SLC8A1: variants seen among roughly 807,000 people sequenced by gnomAD.
SLC8A1 encodes the protein solute carrier family 8 member A1.
Under a neutral mutation model 68.3 loss-of-function variants are expected in SLC8A1, and 18 were observed. The ratio of observed to expected loss-of-function variants is 0.26; its 90% CI spans 0.18 to 0.39. The LOEUF (loss-of-function observed/expected upper bound fraction) is 0.39, where lower values mean the gene tolerates loss of function less well. Among genes scored for constraint, SLC8A1 ranks in the 10% least tolerant of loss-of-function variants. The probability of loss-of-function intolerance (pLI) is 1.00; values close to 1 mark genes in which losing one functional copy is unlikely to be tolerated. For missense variants in SLC8A1, 985 were observed against 1,156.7 expected (o/e 0.85, Z 2.15); for synonymous variants, 475 against 415.5 (o/e 1.14, Z -1.74).
chr2:40,243,582 G>A (rs895179053), intron 2 of SLC8A1, among the ~76,000 whole-genome samples: 1 of 152,194 alleles, frequency 6.6e-6, no homozygotes, highest in Admixed American at 6.5e-5. Flanking sequence ...TTTTACCTCT[G>A]TTTTAGACTA....
At chr2:40,469,839 T>C (rs1278194615) in intron 1 of SLC8A1, among the ~76,000 whole-genome samples, 1 of 152,170 alleles carries the variant, frequency 6.6e-6, no homozygotes, top group Non-Finnish European at 1.5e-5. Context: ...GCTAAAATTG[T>C]CAATGTGTTC....
chr2:40,262,531 T>G (rs2064849314), intron 2 of SLC8A1, among the ~76,000 whole-genome samples: 1 of 152,222 alleles, frequency 6.6e-6, no homozygotes, highest in Non-Finnish European at 1.5e-5. Context: ...CTAGTATATT[T>G]GATCTATTGG....
chr2:40,115,715 G>C, intron 7 of SLC8A1, 86 bp from the exon 11 acceptor site: 1 of 1,496,082 alleles, frequency 6.7e-7, no homozygotes, highest in Non-Finnish European at 8.9e-7. Flanking sequence ...TGTACTCTAG[G>C]ACCCAACCCT....
intron 2 of SLC8A1, among the ~76,000 whole-genome samples, chr2:40,191,880 A>G (rs1361927143): frequency 6.6e-6 from 1 of 152,140 alleles, no homozygotes; most frequent in African/African-American, 2.4e-5. Context: ...CGTTGTTTTG[A>G]GGATTTTTAT....
intron 6 of SLC8A1, among the ~76,000 whole-genome samples, chr2:40,151,715 G>GAATT (rs1409137307): frequency 1.3e-5 from 2 of 152,086 alleles, no homozygotes; most frequent in African/African-American, 4.8e-5. Flanking sequence ...AGAAACCATT[G>GAATT]AATTATATAG....
At position 40,382,882 on chromosome 2, in the gene SLC8A1, G is replaced by A. The variant is rs373576466; in HGVS notation, c.1808+45591C>T. ...GATTAACTACCAGGAATATAAGAGG[G>A]ATTCTATTATAATTATGTCTTTCTT... On this transcript the variant is annotated intron_variant, in intron 2 of 7. Coordinates refer to ENST00000406785, the Ensembl canonical transcript of SLC8A1. 1.3e-3 allele frequency among the ~76,000 whole-genome samples: 205 copies of A among 152,060 alleles called. 5 individuals carry two copies. In the South Asian group the frequency reaches 0.041, roughly 30 times the overall value.
chr2:40,450,212 G>A (rs1702180399), intron 1 of SLC8A1, among the ~76,000 whole-genome samples: 1 of 152,170 alleles, frequency 6.6e-6, no homozygotes, highest in Non-Finnish European at 1.5e-5. Flanking sequence ...CACAGGATTT[G>A]AAAGAGGAAC....
Position 40,260,279 on chromosome 2 carries a change from C to T in SLC8A1, c.1809-82424G>A, listed in dbSNP as rs574062223. Among the ~76,000 whole-genome samples the T allele has an allele frequency of 5.2e-4, 79 of 152,262 alleles. 1 individual carries two copies. The highest frequency in any genetic ancestry group is 1.8e-3 in the African/African-American group (73 of 41,550). On this transcript the variant is annotated intron_variant, in intron 2 of 7. Coordinates refer to ENST00000406785, the Ensembl canonical transcript of SLC8A1. ...TCAAGGACAAACCACAAAAGGGAAC[C>T]AGGGAAGGGCTGTTCAGAGCTCACT...
chr2:40,240,145 T>G (rs1187772519), intron 2 of SLC8A1, among the ~76,000 whole-genome samples: 2 of 152,164 alleles, frequency 1.3e-5, no homozygotes, highest in Non-Finnish European at 2.9e-5. Context: ...GGCATAATAT[T>G]TGGGGGAAAG....
At chr2:40,170,664 G>C (rs576297854) in intron 4 of SLC8A1, among the ~76,000 whole-genome samples, 1 of 152,274 alleles carries the variant, frequency 6.6e-6, no homozygotes, top group Admixed American at 6.5e-5. Context: ...ATGTGTCAAG[G>C]TCCTTCAAGG....
intron 2 of SLC8A1, among the ~76,000 whole-genome samples, chr2:40,411,268 C>G (rs1357272653): frequency 6.6e-6 from 1 of 152,008 alleles, no homozygotes. Flanking sequence ...GCTAGCATAA[C>G]ACTTTGCACA....
chr2:40,166,141 T>C (rs2046514306), intron 4 of SLC8A1, among the ~76,000 whole-genome samples: 2 of 152,180 alleles, frequency 1.3e-5, no homozygotes, highest in African/African-American at 2.4e-5. Flanking sequence ...TATTAGCTTC[T>C]GTAGAAGTCC....
intron 2 of SLC8A1, among the ~76,000 whole-genome samples, chr2:40,393,614 A>T (rs1576041016): frequency 6.6e-6 from 1 of 152,208 alleles, no homozygotes; most frequent in South Asian, 2.1e-4. Flanking sequence ...TTCCATATAA[A>T]CCCATATGAG....
At chr2:40,242,532 A>G (rs138468725) in intron 2 of SLC8A1, among the ~76,000 whole-genome samples, 1 of 152,192 alleles carries the variant, frequency 6.6e-6, no homozygotes, top group Non-Finnish European at 1.5e-5. Flanking sequence ...GGTTGCATCC[A>G]GCAACTCGAC....
intron 1 of SLC8A1, among the ~76,000 whole-genome samples, chr2:40,445,856 T>C (rs1427278169): frequency 6.6e-6 from 1 of 152,132 alleles, no homozygotes; most frequent in Non-Finnish European, 1.5e-5. Flanking sequence ...CTGAGAGACA[T>C]TTGATGGGTA....
intron 2 of SLC8A1, among the ~76,000 whole-genome samples, chr2:40,330,036 A>G (rs1472620902): frequency 1.3e-5 from 2 of 152,214 alleles, no homozygotes; most frequent in African/African-American, 2.4e-5. Flanking sequence ...TTTCTAACTA[A>G]AAACGGGTGT....
intron 2 of SLC8A1, among the ~76,000 whole-genome samples, chr2:40,298,304 A>G (rs533571017): frequency 6.6e-6 from 1 of 152,330 alleles, no homozygotes; most frequent in Non-Finnish European, 1.5e-5. Flanking sequence ...TGCTTCCACC[A>G]AAACTCCGGC....
intron 6 of SLC8A1, among the ~76,000 whole-genome samples, chr2:40,149,233 AT>A (rs2148359997): frequency 6.6e-6 from 1 of 152,322 alleles, no homozygotes; most frequent in African/African-American, 2.4e-5. Context: ...AGTGCCACTC[AT>A]TTCTTTAGTA....
chr2:40,501,735 T>A lies in SLC8A1; in HGVS notation c.-25+10614A>T, dbSNP rs570596029. Among the ~76,000 whole-genome samples, 15 of 152,088 alleles carry A rather than the reference T, an allele frequency of 9.9e-5. No individual in the cohort carries two copies. In the South Asian group the frequency reaches 3.1e-3, roughly 32 times the overall value. On this transcript the variant is annotated intron_variant, in intron 1 of 7. Coordinates refer to the SLC8A1 transcript ENST00000402441. The stretch of plus-strand genomic sequence containing the variant: ...GTGCTTCATCATGTCCTTTTGGGAG[T>A]TGCCCCTTGCCCACGTAGTAGGGAT...
Sources: allele counts gnomAD v4.1 joint callset (sites outside exome capture counted in the v4.1 genomes callset), GRCh38; gene constraint gnomAD v4.1.1; transcripts MANE v1.5; gene names NCBI Gene and HGNC (gene_info 2026-07-23, HGNC 2026-07-21).